The following CAMK4 variants were observed in gnomAD, a reference collection of about 807,000 sequenced individuals.
CAMK4 encodes calcium/calmodulin-dependent protein kinase type IV.
A neutral mutation model predicts 44.9 loss-of-function variants in CAMK4; 22 were observed. The observed-to-expected ratio is 0.49, with a 90% CI of 0.35 to 0.70. The LOEUF is 0.70. Among genes scored for constraint, CAMK4 ranks in the 30% least tolerant of loss-of-function variants. The pLI is 0.01. For synonymous variants in CAMK4, 218 were observed against 215.4 expected, an observed-to-expected ratio of 1.01 and a Z score of -0.11; for missense variants, 498 against 586.8, an observed-to-expected ratio of 0.85 and a Z score of 1.56.
At chr5:111,261,334 C>T (rs1749964933) in intron 1 of CAMK4, among the ~76,000 whole-genome samples, 1 of 152,176 alleles carries the variant, frequency 6.6e-6, no homozygotes, top group African/African-American at 2.4e-5. Flanking sequence ...GCATAATATG[C>T]ACTAGTTATT....
intron 5 of CAMK4, among the ~76,000 whole-genome samples, chr5:111,420,735 T>G (rs1752995880): frequency 6.6e-6 from 1 of 152,192 alleles, no homozygotes; most frequent in Non-Finnish European, 1.5e-5. Flanking sequence ...TTCAGCGATA[T>G]TTCTCCCATT....
At chr5:111,341,169 C>A (rs1001978986) in intron 1 of CAMK4, among the ~76,000 whole-genome samples, 2 of 151,138 alleles carry the variant, frequency 1.3e-5, no homozygotes, top group African/African-American at 2.4e-5. Context: ...TAAATATTTT[C>A]TCCCACACTT....
chr5:111,334,602 A>T (rs947838251), intron 1 of CAMK4, among the ~76,000 whole-genome samples: 1 of 151,604 alleles, frequency 6.6e-6, no homozygotes. Flanking sequence ...GTCAATAAAA[A>T]GAAGAGCTTA....
chr5:111,268,017 A>C (rs1217644403), intron 1 of CAMK4, among the ~76,000 whole-genome samples: 2 of 152,178 alleles, frequency 1.3e-5, no homozygotes, highest in Non-Finnish European at 2.9e-5. Context: ...TTCCATGAGA[A>C]GCCTATTGGG....
chr5:111,389,499 A>G (rs918346384), intron 4 of CAMK4, among the ~76,000 whole-genome samples: 3 of 152,200 alleles, frequency 2.0e-5, no homozygotes, highest in Non-Finnish European at 4.4e-5. Context: ...ATGAAGAGTG[A>G]TGATGCCTCT....
At chr5:111,249,666 A>ATGTGTGTGTGTG (rs3066628) in intron 1 of CAMK4, among the ~76,000 whole-genome samples, 2 of 140,734 alleles carry the variant, frequency 1.4e-5, no homozygotes, top group South Asian at 4.6e-4. Context: ...GTGTATATAT[A>ATGTGTGTGTGTG]TGTGTGTGTG....
intron 1 of CAMK4, among the ~76,000 whole-genome samples, chr5:111,284,893 A>G (rs1433906651): frequency 6.6e-6 from 1 of 152,158 alleles, no homozygotes; most frequent in Non-Finnish European, 1.5e-5. Context: ...AAAAAGAGAT[A>G]TCTCCTTCTA....
At chr5:111,275,379 T>G (rs1023070305) in intron 1 of CAMK4, among the ~76,000 whole-genome samples, 1 of 152,140 alleles carries the variant, frequency 6.6e-6, no homozygotes, top group Non-Finnish European at 1.5e-5. Flanking sequence ...ATTTAAATTC[T>G]AAATTGTTAC....
At chr5:111,234,911 G>A (rs955444136) in intron 1 of CAMK4, among the ~76,000 whole-genome samples, 1 of 152,142 alleles carries the variant, frequency 6.6e-6, no homozygotes, top group Non-Finnish European at 1.5e-5. Flanking sequence ...CATGCCTGTA[G>A]ACAGAACTTG....
intron 1 of CAMK4, among the ~76,000 whole-genome samples, chr5:111,328,629 CT>C (rs1749010464): frequency 6.6e-6 from 1 of 152,004 alleles, no homozygotes; most frequent in Non-Finnish European, 1.5e-5. Flanking sequence ...GATATTGATT[CT>C]TCCTACCCAT....
rs184287786 is a variant in CAMK4 at position 111,240,300 on chromosome 5, A to G, written c.161+15656A>G. On this transcript the variant is annotated intron_variant, in intron 1 of 10. Transcript: ENST00000282356. Reference sequence around the variant, plus strand: ...GAAATAGAGTTCTGGAAATCATTTAACAATCTAAAAAAAAAAAAACCCATA... The same window carrying G: ...GAAATAGAGTTCTGGAAATCATTTAGCAATCTAAAAAAAAAAAAACCCATA... Among the ~76,000 whole-genome samples, 458 of 139,104 alleles carry G rather than the reference A, an allele frequency of 3.3e-3. 2 individuals are homozygous for G. The highest frequency in any genetic ancestry group is 5.1e-3 in the Non-Finnish European group (308 of 60,466). The allele number at this position is 139,104 out of a possible 152,430, so 91.3% of individuals were successfully genotyped here. A position where few individuals can be genotyped will look rare whatever the true frequency, so the allele number is the denominator to read the frequency against.
intron 5 of CAMK4, among the ~76,000 whole-genome samples, chr5:111,437,401 C>T (rs975829478): frequency 3.9e-5 from 6 of 152,132 alleles, no homozygotes; most frequent in Admixed American, 2.0e-4. Flanking sequence ...ATTAATCATT[C>T]AAAAGCGTTT....
At chr5:111,230,607 G>A (rs1032424248) in intron 1 of CAMK4, among the ~76,000 whole-genome samples, 3 of 149,704 alleles carry the variant, frequency 2.0e-5, no homozygotes, top group Non-Finnish European at 4.4e-5. Context: ...CTTCTAAACT[G>A]TTCTGGAGAA....
chr5:111,464,092 A>G (rs1754738419), intron 7 of CAMK4, among the ~76,000 whole-genome samples: 1 of 151,828 alleles, frequency 6.6e-6, no homozygotes, highest in African/African-American at 2.4e-5. Context: ...GAAATAAAAA[A>G]AATGAGATAT....
rs2112511973 is a variant in CAMK4, at chr5:111,487,107, C to T, written c.*2641C>T. ...TTAAAATGGAATGTATTGTCTATCT[C>T]AAAGATTACTTAGCTAAATAATAGT... On this transcript the variant is annotated 3_prime_UTR_variant, in exon 11 of 11. Transcript: ENST00000282356. The T allele has an allele frequency of 6.6e-6, 1 of 152,218 alleles. No individual in the cohort carries two copies. The highest frequency in any genetic ancestry group is 1.9e-4 in the East Asian group (1 of 5,174). The allele number at this position is 152,218 out of a possible 1,614,324, so 9.4% of individuals were successfully genotyped here. A position where few individuals can be genotyped will look rare whatever the true frequency, so the allele number is the denominator to read the frequency against.
chr5:111,460,335 G>A (rs576266609), intron 7 of CAMK4, among the ~76,000 whole-genome samples: 5 of 135,132 alleles, frequency 3.7e-5, no homozygotes, highest in East Asian at 4.3e-4. Context: ...TGGTGCAATC[G>A]ATCTTGGCTC....
chr5:111,473,829 T>C (rs1363067154), intron 8 of CAMK4, among the ~76,000 whole-genome samples: 1 of 152,256 alleles, frequency 6.6e-6, no homozygotes, highest in East Asian at 1.9e-4. Context: ...ATATTTTAAA[T>C]GCATTTTTAG....
chr5:111,442,258 C>A (rs547662236), intron 5 of CAMK4, among the ~76,000 whole-genome samples: 1 of 152,172 alleles, frequency 6.6e-6, no homozygotes, highest in South Asian at 2.1e-4. Context: ...CTTGGGGAGG[C>A]CGAGGCAGGT....
In CAMK4 at chr5:111,490,706, T is replaced by C. The variant is rs981537039; in HGVS notation, c.*6240T>C. On this transcript the variant is annotated 3_prime_UTR_variant, in exon 11 of 11. Transcript: ENST00000282356. ...ACAATACAGTTAATATGCAGCAGCG[T>C]AGAGAACAAATAGCATATTCATAAT... The C allele has an allele frequency of 6.6e-6, 1 of 152,198 alleles. No individual in the cohort carries two copies. The highest frequency in any genetic ancestry group is 1.5e-5 in the Non-Finnish European group (1 of 68,024). The allele number at this position is 152,198 out of a possible 1,614,324, so 9.4% of individuals were successfully genotyped here. A position where few individuals can be genotyped will look rare whatever the true frequency, so the allele number is the denominator to read the frequency against.
Sources: gnomAD v4.1 joint callset for allele counts (sites outside exome capture counted in the v4.1 genomes callset) on GRCh38, gnomAD v4.1.1 for gene constraint, MANE v1.5 for transcripts, NCBI Gene and HGNC (gene_info 2026-07-23, HGNC 2026-07-21) for gene names.